Variants in TIMM21 observed in about 807,000 individuals in gnomAD.
TIMM21 encodes mitochondrial import inner membrane translocase subunit Tim21.
In TIMM21, 30 loss-of-function variants were observed where a neutral mutation model predicts 27.7. The ratio of observed to expected loss-of-function variants is 1.08; its 90% CI spans 0.81 to 1.47. The LOEUF (loss-of-function observed/expected upper bound fraction) is 1.47, where lower values mean the gene tolerates loss of function less well. Among genes scored for constraint, TIMM21 ranks in the 40% most tolerant of loss-of-function variants. The pLI is 0.00. For missense variants in TIMM21, 292 were observed against 302.9 expected, an observed-to-expected ratio of 0.96 and a Z score of 0.27; for synonymous variants, 121 against 114.4, an observed-to-expected ratio of 1.06 and a Z score of -0.37.
Position 74,152,384 on chromosome 18 carries a change from G to T in TIMM21, c.302-2761G>T, listed in dbSNP as rs1979833847. 6.6e-6 allele frequency among the ~76,000 whole-genome samples: 1 copy of T among 152,096 alleles called. No homozygotes were observed. The highest frequency in any genetic ancestry group is 2.4e-5 in the African/African-American group (1 of 41,402). Reference sequence around the variant, plus strand: ...TGAGTCTTGTTCTGCCGGGGAGGAGGCTCCTGCCCTTGGCACTCACCTTCA... The same window carrying T: ...TGAGTCTTGTTCTGCCGGGGAGGAGTCTCCTGCCCTTGGCACTCACCTTCA... On this transcript the variant is annotated intron_variant, in intron 1 of 5. Coordinates refer to ENST00000169551, the MANE Select transcript of TIMM21 (RefSeq NM_014177.3). This position sits in a 1 kb window ranked among gnomAD's most constrained non-coding sequence, Gnocchi z 4.1.
At chr18:74,149,160 T>C in intron 1 of TIMM21, 51 bp downstream of exon 1, 3 of 1,556,532 alleles carry the variant, frequency 1.9e-6, no homozygotes, top group Non-Finnish European at 2.6e-6. Flanking sequence ...TGACAAGAGC[T>C]GCCAATGCCC....
rs376361940 is a variant in TIMM21, at chr18:74,156,344, G to T, written c.462+941G>T. The T allele has an allele frequency of 1.3e-5, 5 of 397,898 alleles. No homozygotes were observed. In the South Asian group the frequency reaches 3.8e-4, roughly 30 times the overall value. The allele number at this position is 397,898 out of a possible 1,614,324, so 24.6% of individuals were successfully genotyped here. On this transcript the variant is annotated intron_variant, in intron 3 of 5. Coordinates refer to ENST00000169551, the MANE Select transcript of TIMM21 (RefSeq NM_014177.3). ...CGTGCTCAGTATAGAGCCCGGTGCT[G>T]ATCTTCCCTGGGGCCCCGGCTCTGA...
rs761111096 is a variant in TIMM21, at chr18:74,158,312, G to A, written c.642+36G>A. On this transcript the variant is annotated intron_variant, in intron 5 of 5. Coordinates refer to ENST00000169551, the MANE Select transcript of TIMM21 (RefSeq NM_014177.3). The stretch of plus-strand genomic sequence containing the variant: ...CATGGGATGTGGGGTCAGAGGTTCT[G>A]AGCGCGGTGTTATTTAAGTTCTGGA... 3.1e-6 allele frequency: 5 copies of A among 1,612,376 alleles called. No individual in the cohort carries two copies. The South Asian group carries it at 5.5e-5, about 18-fold the overall frequency.
At chr18:74,154,254 G>A (rs1979886361) in intron 1 of TIMM21, among the ~76,000 whole-genome samples, 1 of 151,992 alleles carries the variant, frequency 6.6e-6, no homozygotes. Context: ...TATATATTCT[G>A]TCCCCTGACA....
intron 4 of TIMM21, 25 bp from the exon 5 acceptor site, chr18:74,158,146 G>C (rs1327908363): frequency 3.1e-6 from 5 of 1,613,944 alleles, no homozygotes; most frequent in Non-Finnish European, 4.2e-6. Context: ...AAGGAACTTA[G>C]ACTGATCTTT....
rs1979827877 is a variant in TIMM21 at position 74,152,151 on chromosome 18, C to T, written c.302-2994C>T. 6.6e-6 allele frequency among the ~76,000 whole-genome samples: 1 copy of T among 152,078 alleles called. No homozygotes were observed. The highest frequency in any genetic ancestry group is 1.5e-5 in the Non-Finnish European group (1 of 67,994). On this transcript the variant is annotated intron_variant, in intron 1 of 5. Transcript: ENST00000169551. The surrounding 1 kb of genome is among the most constrained non-coding windows in gnomAD (Gnocchi z 4.1). Reference sequence around the variant, plus strand: ...TTTACCAGACACTGAGCTGCTGCTTCAGGGCTAGAGGGGTCAGGAGAATTG... The same window carrying T: ...TTTACCAGACACTGAGCTGCTGCTTTAGGGCTAGAGGGGTCAGGAGAATTG...
At chr18:74,155,111 G>A in intron 1 of TIMM21, 34 bp from the exon 2 acceptor site, 1 of 1,606,888 alleles carries the variant, frequency 6.2e-7, no homozygotes, top group Non-Finnish European at 8.5e-7. Flanking sequence ...CTCCCAGCCG[G>A]CACCCGTAAC....
In TIMM21 at chr18:74,158,171, G is replaced by C; in HGVS notation, c.537G>C (p.Arg179Ser). The C allele has an allele frequency of 6.2e-7, 1 of 1,614,114 alleles. No individual in the cohort carries two copies. The highest frequency in any genetic ancestry group is 8.5e-7 in the Non-Finnish European group (1 of 1,180,008). Reference protein sequence around the residue: ...VTRRGRRQHVRFTEYVKDGLK... With the variant: ...VTRRGRRQHVSFTEYVKDGLK... ...GACTGATCTTTCGTTTTCTCGACAG[G>C]TTCACTGAATATGTAAAAGATGGGC... Residue 179 changes from arginine to serine, a missense_variant and splice_region_variant, in exon 5 of 6, where the codon AGG becomes AGC. By Grantham distance (110) the Arg-to-Ser change is moderately radical. Coordinates refer to ENST00000169551, the MANE Select transcript of TIMM21 (RefSeq NM_014177.3).
At chr18:74,150,382 G>A (rs961348244) in intron 1 of TIMM21, among the ~76,000 whole-genome samples, 1 of 152,164 alleles carries the variant, frequency 6.6e-6, no homozygotes, top group Admixed American at 6.5e-5. Flanking sequence ...TAAAACTTGT[G>A]ACTGAAGAAC....
Position 74,154,757 on chromosome 18 carries a change from G to C in TIMM21, c.302-388G>C, listed in dbSNP as rs563711916. Among the ~76,000 whole-genome samples, 3 of 152,290 alleles carry C rather than the reference G, an allele frequency of 2.0e-5. No individual in the cohort carries two copies. In the East Asian group the frequency reaches 5.8e-4, roughly 29 times the overall value. On this transcript the variant is annotated intron_variant, in intron 1 of 5. Coordinates refer to ENST00000169551, the MANE Select transcript of TIMM21 (RefSeq NM_014177.3). Reference sequence around the variant, plus strand: ...TCTGTTTTTATGCACCAGTCAGTGTGGGGTGGGACTGGCATTCGAGCTAGT... The same window carrying C: ...TCTGTTTTTATGCACCAGTCAGTGTCGGGTGGGACTGGCATTCGAGCTAGT...
At chr18:74,151,211 G>A (rs1022303475) in intron 1 of TIMM21, among the ~76,000 whole-genome samples, 4 of 152,156 alleles carry the variant, frequency 2.6e-5, no homozygotes, top group Non-Finnish European at 4.4e-5. Flanking sequence ...AGTTACATAC[G>A]CTTTCCTTCA....
At position 74,155,570 on chromosome 18, in the gene TIMM21, A is replaced by T. The variant is rs916019016; in HGVS notation, c.462+167A>T. 4.4e-5 allele frequency: 27 copies of T among 612,912 alleles called. No individual in the cohort carries two copies. In the African/African-American group the frequency reaches 5.0e-4, roughly 11 times the overall value. The allele number at this position is 612,912 out of a possible 1,614,324, so 38.0% of individuals were successfully genotyped here. ...TTATTAGGTCTTTGCTCTTTAAGAG[A>T]ACCCAAAAGTCAGTGTACAGATGTT... On this transcript the variant is annotated intron_variant, in intron 3 of 5. Coordinates refer to ENST00000169551, the MANE Select transcript of TIMM21 (RefSeq NM_014177.3).
rs774480216 is a variant in TIMM21 at position 74,158,050 on chromosome 18, G to A, written c.499G>A (p.Gly167Arg). The A allele has an allele frequency of 1.9e-6, 3 of 1,614,220 alleles. No homozygotes were observed. The highest frequency in any genetic ancestry group is 4.5e-5 in the East Asian group (2 of 44,878). ...CTTTGGTGAGTCTGTTAAAGGCTAT[G>A]GGGAGGTGACAAGGCGGGGTCGCCG... ...GVFGESVKGY[G>R]EVTRRGRRQH... Residue 167 changes from glycine to arginine, a missense_variant, in exon 4 of 6, where the codon GGG becomes AGG. Coordinates refer to ENST00000169551, the MANE Select transcript of TIMM21 (RefSeq NM_014177.3).
In TIMM21 at chr18:74,152,318, C is replaced by T. The variant is rs988329999; in HGVS notation, c.302-2827C>T. 6.6e-6 allele frequency among the ~76,000 whole-genome samples: 1 copy of T among 152,114 alleles called. No homozygotes were observed. The highest frequency in any genetic ancestry group is 1.5e-5 in the Non-Finnish European group (1 of 68,012). ...CCAAACTCCCTGAATCCCTTCCGCCCCAGACCTCACCCACGCATTTTCTAT... is the reference window on the plus strand; with the variant it reads ...CCAAACTCCCTGAATCCCTTCCGCCTCAGACCTCACCCACGCATTTTCTAT... On this transcript the variant is annotated intron_variant, in intron 1 of 5. Coordinates refer to ENST00000169551, the MANE Select transcript of TIMM21 (RefSeq NM_014177.3). This position sits in a 1 kb window ranked among gnomAD's most constrained non-coding sequence, Gnocchi z 4.1.
In TIMM21 at chr18:74,152,896, A is replaced by G. The variant is rs1347834980; in HGVS notation, c.302-2249A>G. Among the ~76,000 whole-genome samples, 3 of 152,228 alleles carry G rather than the reference A, an allele frequency of 2.0e-5. No individual in the cohort carries two copies. The highest frequency in any genetic ancestry group is 4.8e-5 in the African/African-American group (2 of 41,456). On this transcript the variant is annotated intron_variant, in intron 1 of 5. Coordinates refer to ENST00000169551, the MANE Select transcript of TIMM21 (RefSeq NM_014177.3). The surrounding 1 kb of genome is among the most constrained non-coding windows in gnomAD (Gnocchi z 4.1). Reference sequence around the variant, plus strand: ...GGGGACTTCTGGAGCTGAGCTGGCCAGTCACTGTCCTACCTAATATGGGGG... The same window carrying G: ...GGGGACTTCTGGAGCTGAGCTGGCCGGTCACTGTCCTACCTAATATGGGGG...
intron 1 of TIMM21, among the ~76,000 whole-genome samples, chr18:74,151,941 C>CT: frequency 6.9e-6 from 1 of 144,716 alleles, no homozygotes; most frequent in Non-Finnish European, 1.5e-5. Context: ...CTATGTTCCC[C>CT]CCCCCCCCGG....
rs771251150 is a variant in TIMM21, at chr18:74,158,020, G to A, written c.469G>A (p.Gly157Ser). The A allele has an allele frequency of 2.4e-5, 38 of 1,613,990 alleles. No individual in the cohort carries two copies. Among genetic ancestry groups the A allele is most frequent in the Admixed American group, 2.2e-4 (13 of 59,994 alleles). Residue 157 changes from glycine to serine, a missense_variant, in exon 4 of 6, where the codon GGT (glycine) becomes AGT (serine). Transcript: ENST00000169551. Reference sequence around the variant, plus strand: ...CACTGTCCTTGTTCTGCAGGTGATCGGTGTCTTTGGTGAGTCTGTTAAAGG... The same window carrying A: ...CACTGTCCTTGTTCTGCAGGTGATCAGTGTCTTTGGTGAGTCTGTTAAAGG... ...EKCRSHPEVI[G>S]VFGESVKGYG...
chr18:74,158,353 T>G (rs1484909290), intron 5 of TIMM21, 23 bp from the exon 6 acceptor site: 3 of 1,606,178 alleles, frequency 1.9e-6, no homozygotes, highest in Middle Eastern at 1.7e-4. Context: ...AAATAATACC[T>G]GGAAACACTA....
chr18:74,158,702 A>T lies in TIMM21; in HGVS notation c.*222A>T. On this transcript the variant is annotated 3_prime_UTR_variant, in exon 6 of 6. Transcript: ENST00000169551. Reference sequence around the variant, plus strand: ...CTCCCATTGACTCAATCATGACAATATTTCTGCTTTAACACCATCTTTCAT... The same window carrying T: ...CTCCCATTGACTCAATCATGACAATTTTTCTGCTTTAACACCATCTTTCAT... 2.3e-6 allele frequency: 1 copy of T among 434,578 alleles called. No homozygotes were observed. The highest frequency in any genetic ancestry group is 2.0e-5 in the African/African-American group (1 of 49,040). The allele number at this position is 434,578 out of a possible 1,614,324, so 26.9% of individuals were successfully genotyped here. A position where few individuals can be genotyped will look rare whatever the true frequency, so the allele number is the denominator to read the frequency against.
Sources: gnomAD v4.1 joint callset for allele counts (sites outside exome capture counted in the v4.1 genomes callset) on GRCh38, gnomAD v4.1.1 for gene constraint, Gnocchi (gnomAD v3.1) non-coding constraint, MANE v1.5 for transcripts, NCBI Gene and HGNC (gene_info 2026-07-23, HGNC 2026-07-21) for gene names.